EDIL3: variants seen among roughly 807,000 people sequenced by gnomAD.
EDIL3 encodes EGF like and discoidin domains 3, also known as EGF-like repeat and discoidin I-like domain-containing protein 3.
In EDIL3, 37 loss-of-function variants were observed where a neutral mutation model predicts 67.4. The ratio of observed to expected loss-of-function variants is 0.55; its 90% CI spans 0.42 to 0.72. The LOEUF (loss-of-function observed/expected upper bound fraction) is 0.72, where lower values mean the gene tolerates loss of function less well. Among genes scored for constraint, EDIL3 ranks in the 30% least tolerant of loss-of-function variants. The probability of loss-of-function intolerance (pLI) is 0.00; values close to 1 mark genes in which losing one functional copy is unlikely to be tolerated. For synonymous variants in EDIL3, 195 were observed against 196.3 expected (o/e 0.99, Z 0.05); for missense variants, 527 against 586.3 (o/e 0.90, Z 1.04).
At chr5:84,375,206 G>A (rs535786306) in intron 1 of EDIL3, among the ~76,000 whole-genome samples, 28 of 152,114 alleles carry the variant, frequency 1.8e-4, no homozygotes, top group South Asian at 2.1e-4. Context: ...TCTTGACCTC[G>A]TGACCCGCCC....
At chr5:84,250,840 A>G (rs1317182626) in intron 2 of EDIL3, among the ~76,000 whole-genome samples, 1 of 152,218 alleles carries the variant, frequency 6.6e-6, no homozygotes, top group Non-Finnish European at 1.5e-5. Context: ...TTCATAATAT[A>G]TATGGCTCAA....
chr5:84,243,670 G>A (rs1161462927), intron 2 of EDIL3, among the ~76,000 whole-genome samples: 1 of 152,190 alleles, frequency 6.6e-6, no homozygotes, highest in Non-Finnish European at 1.5e-5. Flanking sequence ...CCAAGGATTA[G>A]TACGTAAGAA....
chr5:84,342,796 A>G (rs1747151213), intron 1 of EDIL3, among the ~76,000 whole-genome samples: 1 of 152,036 alleles, frequency 6.6e-6, no homozygotes, highest in East Asian at 1.9e-4. Flanking sequence ...TTTTTTGAAC[A>G]CAGAACAGCA....
intron 9 of EDIL3, among the ~76,000 whole-genome samples, chr5:83,987,100 A>G (rs980848801): frequency 6.6e-6 from 1 of 152,090 alleles, no homozygotes; most frequent in East Asian, 1.9e-4. Flanking sequence ...ACCTCTCTGG[A>G]CTTTAGGTTC....
intron 10 of EDIL3, among the ~76,000 whole-genome samples, chr5:83,952,264 A>G (rs1249848312): frequency 4.0e-5 from 6 of 151,816 alleles, no homozygotes; most frequent in Non-Finnish European, 8.8e-5. Context: ...TAGAATGTAG[A>G]GTCTAAAAGC....
chr5:84,141,976 T>TATCTATCG (rs1748207835), intron 4 of EDIL3, among the ~76,000 whole-genome samples: 1 of 147,590 alleles, frequency 6.8e-6, no homozygotes. Context: ...TCTATCTATC[T>TATCTATCG]ATCTATCTAT....
At chr5:83,950,846 T>A (rs1404652150) in intron 10 of EDIL3, among the ~76,000 whole-genome samples, 1 of 151,830 alleles carries the variant, frequency 6.6e-6, no homozygotes, top group Non-Finnish European at 1.5e-5. Context: ...ACTTTGTCCA[T>A]CTACTTGGGT....
intron 3 of EDIL3, among the ~76,000 whole-genome samples, chr5:84,197,486 C>A (rs140356206): frequency 1.3e-5 from 2 of 151,694 alleles, no homozygotes. Context: ...ATAGTGAAAC[C>A]CCGTCTCTAC....
chr5:84,151,627 A>C (rs1479360069), intron 4 of EDIL3, among the ~76,000 whole-genome samples: 2 of 152,192 alleles, frequency 1.3e-5, no homozygotes, highest in Non-Finnish European at 2.9e-5. Flanking sequence ...ACTGGAAAAA[A>C]TTAGTATCAT....
intron 9 of EDIL3, among the ~76,000 whole-genome samples, chr5:84,049,687 G>A (rs553143766): frequency 1.1e-3 from 174 of 152,230 alleles, no homozygotes; most frequent in African/African-American, 3.9e-3. Flanking sequence ...ACCTTTGGGA[G>A]GCTTTCAGAT....
intron 7 of EDIL3, 49 bp from the exon 8 acceptor site, chr5:84,064,893 A>G: frequency 6.4e-7 from 1 of 1,562,566 alleles, no homozygotes; most frequent in South Asian, 1.2e-5. Context: ...TTATTTACCT[A>G]TTTTTACATA....
At chr5:84,298,786 T>C (rs1239379132) in intron 1 of EDIL3, among the ~76,000 whole-genome samples, 1 of 152,202 alleles carries the variant, frequency 6.6e-6, no homozygotes, top group South Asian at 2.1e-4. Context: ...TTGAACAAAA[T>C]TGACTTCTCC....
intron 9 of EDIL3, among the ~76,000 whole-genome samples, chr5:83,969,097 A>G (rs533856616): frequency 4.0e-5 from 6 of 151,720 alleles, no homozygotes; most frequent in Non-Finnish European, 8.9e-5. Flanking sequence ...TTTGCAGGCA[A>G]TTAGTTTACT....
intron 6 of EDIL3, among the ~76,000 whole-genome samples, chr5:84,103,983 G>A (rs571022313): frequency 6.6e-6 from 1 of 152,116 alleles, no homozygotes; most frequent in Non-Finnish European, 1.5e-5. Context: ...CCAATCAATT[G>A]TAGACTGGGT....
chr5:84,123,270 A>C (rs1342251045), intron 5 of EDIL3, among the ~76,000 whole-genome samples: 1 of 151,956 alleles, frequency 6.6e-6, no homozygotes, highest in Non-Finnish European at 1.5e-5. Flanking sequence ...GTTTATGTAT[A>C]AATTTCAAAA....
intron 9 of EDIL3, among the ~76,000 whole-genome samples, chr5:84,011,673 G>A (rs906056092): frequency 1.3e-5 from 2 of 152,192 alleles, no homozygotes; most frequent in East Asian, 1.9e-4. Context: ...TGACTTTCTC[G>A]CACTGCTCTG....
intron 1 of EDIL3, among the ~76,000 whole-genome samples, chr5:84,369,500 T>C (rs1262893653): frequency 6.6e-6 from 1 of 152,058 alleles, no homozygotes; most frequent in African/African-American, 2.4e-5. Flanking sequence ...AAGGTATGAT[T>C]CCATTTACAT....
At chr5:84,235,941 AACTC>A (rs1361999112) in intron 2 of EDIL3, among the ~76,000 whole-genome samples, 23 of 152,028 alleles carry the variant, frequency 1.5e-4, no homozygotes, top group Admixed American at 1.2e-3. Context: ...TTTTTAAACT[AACTC>A]AGAAAACATG....
At position 84,345,928 on chromosome 5, in the gene EDIL3, A is replaced by C. The variant is rs143004065; in HGVS notation, c.67+38380T>G. Among the ~76,000 whole-genome samples, 3 of 152,254 alleles carry C rather than the reference A, an allele frequency of 2.0e-5. No homozygotes were observed. The East Asian group carries it at 5.8e-4, about 29-fold the overall frequency. On this transcript the variant is annotated intron_variant, in intron 1 of 10. Transcript: ENST00000296591. ...ACTCAGTAGATCCCTATGAAAACAC[A>C]ACAATGTTTTCCAAACTACTGAAGC...
Sources: gnomAD v4.1 joint callset for allele counts (sites outside exome capture counted in the v4.1 genomes callset) on GRCh38, gnomAD v4.1.1 for gene constraint, MANE v1.5 for transcripts, NCBI Gene and HGNC (gene_info 2026-07-23, HGNC 2026-07-21) for gene names.